FMN2: variants seen among roughly 807,000 people sequenced by gnomAD.
FMN2 encodes the protein formin-2.
FMN2 carries 51 observed loss-of-function variants against 142.3 expected under a neutral mutation model. The ratio of observed to expected loss-of-function variants is 0.36; its 90% CI spans 0.29 to 0.45. The LOEUF (loss-of-function observed/expected upper bound fraction) is 0.45, where lower values mean the gene tolerates loss of function less well. Ranked by LOEUF, FMN2 falls within the 20% of genes least tolerant of loss-of-function variation. The pLI is 1.00. For missense variants in FMN2, 1,936 were observed against 2,122.8 expected (o/e 0.91, Z 1.73); for synonymous variants, 882 against 869.8 (o/e 1.01, Z -0.25).
At chr1:240,282,815 C>T (rs570266368) in intron 7 of FMN2, among the ~76,000 whole-genome samples, 1 of 152,314 alleles carries the variant, frequency 6.6e-6, no homozygotes, top group South Asian at 2.1e-4. Context: ...GAGTTTTCAT[C>T]AGCTGTTGGA....
intron 6 of FMN2, among the ~76,000 whole-genome samples, chr1:240,257,408 A>G (rs753105993): frequency 6.6e-6 from 1 of 152,172 alleles, no homozygotes; most frequent in Non-Finnish European, 1.5e-5. Flanking sequence ...ACTTCCAGTA[A>G]AATAGTGAGC....
In FMN2 at chr1:240,254,341, G is replaced by T. The variant is rs552755055; in HGVS notation, c.4066-3604G>T. On this transcript the variant is annotated intron_variant, in intron 6 of 17. Transcript: ENST00000319653. ...CTAGCTGTGGTGTTAGCAGTAGGTT[G>T]GGTGGGTTTGTCCTCAGGCCCTCAG... Among the ~76,000 whole-genome samples the T allele has an allele frequency of 2.4e-4, 37 of 152,146 alleles. No individual in the cohort carries two copies. The South Asian group carries it at 7.3e-3, about 30-fold the overall frequency.
intron 2 of FMN2, among the ~76,000 whole-genome samples, chr1:240,175,562 A>G (rs1664880563): frequency 1.3e-5 from 2 of 151,958 alleles, no homozygotes; most frequent in Admixed American, 1.3e-4. Flanking sequence ...TGGCGTGATC[A>G]TGGCTCACTG....
At chr1:240,147,603 C>T (rs567229736) in intron 2 of FMN2, among the ~76,000 whole-genome samples, 30 of 152,254 alleles carry the variant, frequency 2.0e-4, no homozygotes, top group African/African-American at 6.7e-4. Context: ...AGTGATCCTC[C>T]CACCTGGGCC....
intron 14 of FMN2, among the ~76,000 whole-genome samples, chr1:240,362,697 T>C (rs908866632): frequency 2.0e-5 from 3 of 152,208 alleles, no homozygotes; most frequent in Non-Finnish European, 4.4e-5. Flanking sequence ...TGGCCTTCAG[T>C]GCTCCCTTAG....
intron 14 of FMN2, 25 bp downstream of exon 14, chr1:240,355,933 G>A: frequency 5.3e-6 from 2 of 377,308 alleles, no homozygotes; most frequent in Non-Finnish European, 9.7e-6. Context: ...GATGTGTTAT[G>A]TTTTTCTCCC....
At chr1:240,384,859 T>C (rs1003157655) in intron 14 of FMN2, among the ~76,000 whole-genome samples, 1 of 152,218 alleles carries the variant, frequency 6.6e-6, no homozygotes, top group Admixed American at 6.5e-5. Flanking sequence ...TGGGTTATTA[T>C]ATGTAAAGAA....
At chr1:240,319,764 A>G (rs892404420) in intron 8 of FMN2, among the ~76,000 whole-genome samples, 2 of 152,156 alleles carry the variant, frequency 1.3e-5, no homozygotes, top group African/African-American at 4.8e-5. Flanking sequence ...TTGTTCGTGT[A>G]TTTGGCCATA....
intron 3 of FMN2, among the ~76,000 whole-genome samples, chr1:240,179,991 G>A (rs888525445): frequency 3.2e-4 from 49 of 152,218 alleles, no homozygotes; most frequent in African/African-American, 2.2e-4. Context: ...CACTTGACTC[G>A]AAGTTAATTG....
intron 1 of FMN2, among the ~76,000 whole-genome samples, chr1:240,117,591 G>T (rs1662073273): frequency 6.6e-6 from 1 of 152,228 alleles, no homozygotes; most frequent in Non-Finnish European, 1.5e-5. Flanking sequence ...CAGCACGAGT[G>T]ATGGATTGTG....
chr1:240,181,837 G>T (rs184202117), intron 3 of FMN2, among the ~76,000 whole-genome samples: 95 of 152,164 alleles, frequency 6.2e-4, no homozygotes, highest in Admixed American at 1.1e-3. Context: ...GTTTCCCTTG[G>T]CTATACACAG....
rs1231963530 is a variant in FMN2 at position 240,392,549 on chromosome 1, G to A, written c.4897G>A (p.Glu1633Lys). 1.9e-6 allele frequency: 3 copies of A among 1,608,306 alleles called. No homozygotes were observed. The African/African-American group carries it at 4.0e-5, about 22-fold the overall frequency. The change falls in exon 15 of 18, where the codon GAG becomes AAG. Residue 1633 changes from glutamate to lysine, a missense_variant. Physicochemically the swap from Glu to Lys is moderately conservative, Grantham distance 56. This residue lies in a region of FMN2 where 322 missense variants were observed against 401.6 expected (regional missense o/e 0.80). Coordinates refer to ENST00000319653, the MANE Select transcript of FMN2 (RefSeq NM_020066.5). ...DQEAEENSLT[E>K]THKCFLETTA... ...AGAGGCAGAGGAAAATTCACTGACA[G>A]AGACTCATAAATGGTGAGAAATTAC...
intron 14 of FMN2, among the ~76,000 whole-genome samples, chr1:240,360,662 G>A (rs1672431653): frequency 6.6e-6 from 1 of 152,126 alleles, no homozygotes; most frequent in Admixed American, 6.5e-5. Flanking sequence ...TGGGGGGTGA[G>A]AGAGTTTACG....
At chr1:240,346,101 A>G (rs1170265547) in intron 13 of FMN2, among the ~76,000 whole-genome samples, 1 of 152,142 alleles carries the variant, frequency 6.6e-6, no homozygotes, top group African/African-American at 2.4e-5. Context: ...TTCAGTTTTT[A>G]AAGTTCAAAT....
intron 2 of FMN2, among the ~76,000 whole-genome samples, chr1:240,127,339 T>G (rs1662554497): frequency 6.6e-6 from 1 of 151,412 alleles, no homozygotes; most frequent in Admixed American, 6.6e-5. Context: ...CTCAAAGTGC[T>G]AGGATTACAG....
chr1:240,123,396 A>G (rs747967683), intron 2 of FMN2, 51 bp downstream of exon 2: 1 of 1,572,934 alleles, frequency 6.4e-7, no homozygotes, highest in South Asian at 1.2e-5. Flanking sequence ...CTGTGGAAAT[A>G]GCAGCTACGA....
chr1:240,294,946 C>A, intron 8 of FMN2, 63 bp downstream of exon 8: 1 of 1,396,126 alleles, frequency 7.2e-7, no homozygotes, highest in Middle Eastern at 2.3e-4. Context: ...TGTCTATGTG[C>A]ACATATAGGC....
At chr1:240,250,600 A>C (rs1323042458) in intron 6 of FMN2, among the ~76,000 whole-genome samples, 1 of 152,016 alleles carries the variant, frequency 6.6e-6, no homozygotes, top group Admixed American at 6.6e-5. Context: ...GACCTGGTGG[A>C]ATAAGTTAGG....
chr1:240,348,391 T>G (rs1234428353), intron 13 of FMN2, among the ~76,000 whole-genome samples: 1 of 151,940 alleles, frequency 6.6e-6, no homozygotes, highest in Non-Finnish European at 1.5e-5. Context: ...CCAGCTAATA[T>G]TTTGTATTTT....
Sources: allele counts gnomAD v4.1 joint callset (sites outside exome capture counted in the v4.1 genomes callset), GRCh38; gene constraint gnomAD v4.1.1; regional missense constraint gnomAD v4.1.1; transcripts MANE v1.5; gene names NCBI Gene and HGNC (gene_info 2026-07-23, HGNC 2026-07-21).